SLC25A21: variants seen among roughly 807,000 people sequenced by gnomAD.
SLC25A21 encodes the protein mitochondrial 2-oxodicarboxylate carrier.
SLC25A21 carries 47 observed loss-of-function variants against 43.8 expected under a neutral mutation model. The observed-to-expected ratio is 1.07, with a 90% CI of 0.85 to 1.37. The LOEUF (loss-of-function observed/expected upper bound fraction) is 1.37. Ranked by LOEUF, SLC25A21 falls within the 40% of genes most tolerant of loss-of-function variation. The pLI is 0.00. For synonymous variants in SLC25A21, 131 were observed against 121.3 expected (o/e 1.08, Z -0.52); for missense variants, 352 against 350.2 (o/e 1.00, Z -0.04).
At chr14:36,725,716 A>G (rs778479018) in intron 5 of SLC25A21, 39 bp from the exon 6 acceptor site, 1 of 1,371,188 alleles carries the variant, frequency 7.3e-7, no homozygotes, top group South Asian at 1.4e-5. Context: ...AAAACAAGTT[A>G]TCATGTGTAT....
intron 1 of SLC25A21, among the ~76,000 whole-genome samples, chr14:37,023,142 G>A (rs1961022848): frequency 6.6e-6 from 1 of 151,916 alleles, no homozygotes; most frequent in Non-Finnish European, 1.5e-5. Flanking sequence ...GGCTCCTCTG[G>A]TCATAAGCTG....
At chr14:36,960,675 G>C (rs1959467409) in intron 1 of SLC25A21, among the ~76,000 whole-genome samples, 3 of 152,102 alleles carry the variant, frequency 2.0e-5, no homozygotes, top group Admixed American at 2.0e-4. Context: ...GTTATTCTCT[G>C]GCCAGTACCT....
chr14:37,059,754 A>C (rs898963266), intron 1 of SLC25A21, among the ~76,000 whole-genome samples: 1 of 152,178 alleles, frequency 6.6e-6, no homozygotes, highest in Non-Finnish European at 1.5e-5. Flanking sequence ...TGACAATGTC[A>C]GCATCTGAGG....
chr14:36,806,545 T>C (rs55733140), intron 3 of SLC25A21, among the ~76,000 whole-genome samples: 6,637 of 152,260 alleles, frequency 0.044, 505 homozygotes, highest in African/African-American at 0.15. Flanking sequence ...TATGATATAC[T>C]AAAGTTAACA....
At chr14:37,106,589 C>T (rs990445865) in intron 1 of SLC25A21, among the ~76,000 whole-genome samples, 13 of 152,166 alleles carry the variant, frequency 8.5e-5, no homozygotes, top group African/African-American at 3.1e-4. Flanking sequence ...ACAAGCACCA[C>T]TGAACACAGA....
intron 1 of SLC25A21, among the ~76,000 whole-genome samples, chr14:37,010,065 C>T (rs2138737517): frequency 6.6e-6 from 1 of 152,286 alleles, no homozygotes; most frequent in African/African-American, 2.4e-5. Context: ...TGACCTTGGA[C>T]CTACTGCCTC....
At chr14:36,952,091 G>A (rs868184279) in intron 1 of SLC25A21, among the ~76,000 whole-genome samples, 22 of 151,938 alleles carry the variant, frequency 1.4e-4, no homozygotes, top group African/African-American at 5.1e-4. Flanking sequence ...AAATTAACTG[G>A]GCATGGTGGT....
At chr14:36,941,853 GAAAT>G (rs1892567223) in intron 1 of SLC25A21, among the ~76,000 whole-genome samples, 1 of 151,852 alleles carries the variant, frequency 6.6e-6, no homozygotes, top group African/African-American at 2.4e-5. Flanking sequence ...GAAATATTCT[GAAAT>G]AAACATTTTT....
chr14:36,789,675 G>C (rs848689), intron 3 of SLC25A21, among the ~76,000 whole-genome samples: 135,329 of 136,916 alleles, frequency 0.99, 66,898 homozygotes, highest in East Asian at 1. Flanking sequence ...AACTCATCTT[G>C]TTACTGTAAT....
chr14:37,095,532 CAAAT>C (rs886706543), intron 1 of SLC25A21, among the ~76,000 whole-genome samples: 2 of 151,896 alleles, frequency 1.3e-5, no homozygotes, highest in African/African-American at 2.4e-5. Context: ...AACAAACAAA[CAAAT>C]AAATAAATAA....
intron 3 of SLC25A21, among the ~76,000 whole-genome samples, chr14:36,776,452 A>G (rs1211309508): frequency 6.6e-6 from 1 of 151,248 alleles, no homozygotes; most frequent in African/African-American, 2.4e-5. Flanking sequence ...GTTAGCCAGG[A>G]TGGTCTCGAT....
chr14:36,887,445 C>T (rs1213777070), intron 1 of SLC25A21, among the ~76,000 whole-genome samples: 1 of 151,796 alleles, frequency 6.6e-6, no homozygotes, highest in South Asian at 2.1e-4. Context: ...CACCTGTAAT[C>T]CTAGCTACTT....
chr14:36,951,498 G>T (rs1044746818), intron 1 of SLC25A21, among the ~76,000 whole-genome samples: 2 of 152,124 alleles, frequency 1.3e-5, no homozygotes, highest in African/African-American at 4.8e-5. Flanking sequence ...TTCTAGCCAT[G>T]TTGCTGGAGC....
At chr14:36,751,689 T>C (rs1261401180) in intron 3 of SLC25A21, among the ~76,000 whole-genome samples, 1 of 152,252 alleles carries the variant, frequency 6.6e-6, no homozygotes, top group Non-Finnish European at 1.5e-5. Flanking sequence ...CTGGTACTAG[T>C]TATCAATCGT....
intron 3 of SLC25A21, among the ~76,000 whole-genome samples, chr14:36,762,898 G>T (rs890156410): frequency 6.6e-6 from 1 of 152,090 alleles, no homozygotes; most frequent in Non-Finnish European, 1.5e-5. Flanking sequence ...TCATTATCTT[G>T]AATTAATCCA....
intron 3 of SLC25A21, among the ~76,000 whole-genome samples, chr14:36,776,240 T>TTC (rs1222056139): frequency 9.3e-4 from 107 of 115,278 alleles, no homozygotes; most frequent in African/African-American, 3.9e-3. Context: ...CTTTCTTTCT[T>TTC]TTTTTTTTTT....
At chr14:36,954,008 A>G (rs1050635317) in intron 1 of SLC25A21, among the ~76,000 whole-genome samples, 1 of 152,192 alleles carries the variant, frequency 6.6e-6, no homozygotes. Context: ...TCTACAATGT[A>G]TTAGAAACTG....
chr14:36,740,383 C>T (rs1451744071), intron 3 of SLC25A21, among the ~76,000 whole-genome samples: 1 of 152,036 alleles, frequency 6.6e-6, no homozygotes, highest in Non-Finnish European at 1.5e-5. Context: ...TACCAGGACT[C>T]CAAAGCCACT....
chr14:37,134,071 T>C (rs768019732), intron 1 of SLC25A21, among the ~76,000 whole-genome samples: 10 of 152,172 alleles, frequency 6.6e-5, no homozygotes, highest in Non-Finnish European at 1.2e-4. Flanking sequence ...GCTATTGAGA[T>C]CATCTAATCA....
Sources: gnomAD v4.1 joint callset for allele counts (sites outside exome capture counted in the v4.1 genomes callset) on GRCh38, gnomAD v4.1.1 for gene constraint, MANE v1.5 for transcripts, NCBI Gene and HGNC (gene_info 2026-07-23, HGNC 2026-07-21) for gene names.